Variants in TMTC4 observed in about 807,000 individuals in gnomAD.
TMTC4 encodes protein O-mannosyl-transferase TMTC4.
Under a neutral mutation model 86.0 loss-of-function variants are expected in TMTC4, and 65 were observed. The ratio of observed to expected loss-of-function variants is 0.76; its 90% confidence interval spans 0.62 to 0.93. The LOEUF (loss-of-function observed/expected upper bound fraction) is 0.93. Among genes scored for constraint, TMTC4 ranks in the 40% least tolerant of loss-of-function variants. The pLI is 0.00. For synonymous variants in TMTC4, 379 were observed against 382.5 expected, an observed-to-expected ratio of 0.99 and a Z score of 0.11; for missense variants, 866 against 948.1, an observed-to-expected ratio of 0.91 and a Z score of 1.14.
intron 12 of TMTC4, among the ~76,000 whole-genome samples, chr13:100,629,915 TAAG>T (rs1327027086): frequency 6.6e-6 from 1 of 151,984 alleles, no homozygotes; most frequent in Non-Finnish European, 1.5e-5. Context: ...GTCTGCAAGC[TAAG>T]GAGAGAGGCC....
At chr13:100,671,174 A>G (rs192403536) in intron 1 of TMTC4, among the ~76,000 whole-genome samples, 68 of 152,302 alleles carry the variant, frequency 4.5e-4, no homozygotes, top group Non-Finnish European at 5.9e-5. Flanking sequence ...CTCATGCAAT[A>G]TATTTTTGGA....
At chr13:100,631,971 T>G (rs1881426164) in intron 12 of TMTC4, among the ~76,000 whole-genome samples, 1 of 151,122 alleles carries the variant, frequency 6.6e-6, no homozygotes, top group Admixed American at 6.6e-5. Flanking sequence ...CTGGGTCCAT[T>G]TTGAAGATGA....
chr13:100,672,624 G>A (rs1019665329), intron 1 of TMTC4, among the ~76,000 whole-genome samples: 2 of 152,074 alleles, frequency 1.3e-5, no homozygotes, highest in Non-Finnish European at 2.9e-5. Flanking sequence ...CCAAGTAGCT[G>A]GGACTATAGG....
intron 15 of TMTC4, among the ~76,000 whole-genome samples, chr13:100,618,342 G>A (rs936150504): frequency 2.6e-5 from 4 of 151,550 alleles, no homozygotes; most frequent in African/African-American, 4.9e-5. Flanking sequence ...TTTCTTGCCC[G>A]ACTGCTCTGG....
At chr13:100,612,091 C>T (rs1021963044) in intron 17 of TMTC4, among the ~76,000 whole-genome samples, 74 of 152,338 alleles carry the variant, frequency 4.9e-4, no homozygotes, top group African/African-American at 1.8e-3. Context: ...CCTGCACCAG[C>T]CTGCCCGGCC....
intron 16 of TMTC4, 113 bp from the exon 17 acceptor site, chr13:100,612,623 CTACT>C (rs1877793446): frequency 3.2e-6 from 2 of 630,786 alleles, no homozygotes; most frequent in Non-Finnish European, 2.7e-6. Context: ...TATGAATAAA[CTACT>C]TAAGAAAATC....
intron 6 of TMTC4, among the ~76,000 whole-genome samples, chr13:100,645,702 C>A (rs1010502096): frequency 6.6e-6 from 1 of 152,230 alleles, no homozygotes; most frequent in Non-Finnish European, 1.5e-5. Context: ...AGCTGTAGTG[C>A]TCTAAACTGC....
At chr13:100,656,542 CTTTTTTTT>C in intron 5 of TMTC4, 74 bp from the exon 6 acceptor site, 1 of 384,138 alleles carries the variant, frequency 2.6e-6, no homozygotes, top group Admixed American at 6.9e-5. Flanking sequence ...GGAGACATAA[CTTTTTTTT>C]TTTTTTTTTT....
At chr13:100,670,959 A>G (rs1887021863) in intron 1 of TMTC4, among the ~76,000 whole-genome samples, 1 of 152,262 alleles carries the variant, frequency 6.6e-6, no homozygotes, top group Admixed American at 6.5e-5. Context: ...GTCTCAAACA[A>G]CAACAAAGCC....
intron 1 of TMTC4, chr13:100,674,492 G>GGGCAA: frequency 3.1e-6 from 2 of 645,384 alleles, no homozygotes; most frequent in Non-Finnish European, 3.7e-6. Flanking sequence ...GAGCGCGGCG[G>GGGCAA]GCGGGGCGCG....
intron 3 of TMTC4, among the ~76,000 whole-genome samples, chr13:100,666,387 G>A (rs907434369): frequency 2.6e-5 from 4 of 152,150 alleles, no homozygotes; most frequent in Non-Finnish European, 5.9e-5. Flanking sequence ...GTTAACAAAA[G>A]GGGCACAGTG....
chr13:100,627,231 G>A (rs890313499), intron 12 of TMTC4, among the ~76,000 whole-genome samples: 1 of 152,172 alleles, frequency 6.6e-6, no homozygotes, highest in East Asian at 1.9e-4. Context: ...GAGCAGCTGC[G>A]CTCGCAGGGA....
At position 100,606,428 on chromosome 13, in the gene TMTC4, C is replaced by T; in HGVS notation, c.2065-1G>A. On this transcript the variant is annotated splice_acceptor_variant, in intron 17 of 18. Coordinates refer to ENST00000342624, the MANE Select transcript of TMTC4 (RefSeq NM_032813.5). LOFTEE classifies it high-confidence loss of function. Reference sequence around the variant, plus strand: ...CCTTGAGGAATAAAGCTTCAGATTCCTAAAAAATGAGAAACATAAAAAGGA... The same window carrying T: ...CCTTGAGGAATAAAGCTTCAGATTCTTAAAAAATGAGAAACATAAAAAGGA... 6.2e-7 allele frequency: 1 copy of T among 1,609,684 alleles called. No homozygotes were observed. Among genetic ancestry groups the T allele is most frequent in the Non-Finnish European group, 8.5e-7 (1 of 1,177,980 alleles).
intron 4 of TMTC4, 62 bp downstream of exon 4, chr13:100,664,159 G>A: frequency 1.4e-6 from 2 of 1,406,676 alleles, no homozygotes; most frequent in South Asian, 1.4e-5. Context: ...ACACACACCT[G>A]TATCCAATGT....
chr13:100,613,028 C>T (rs2153023513), intron 16 of TMTC4, among the ~76,000 whole-genome samples: 2 of 152,304 alleles, frequency 1.3e-5, no homozygotes, highest in Middle Eastern at 6.8e-3. Flanking sequence ...TTGATACATG[C>T]ATACAATGTG....
In TMTC4 at chr13:100,609,106, T is replaced by C. The variant is rs560127488; in HGVS notation, c.2065-2679A>G. 5.9e-5 allele frequency among the ~76,000 whole-genome samples: 9 copies of C among 152,150 alleles called. No homozygotes were observed. In the South Asian group the frequency reaches 1.9e-3, roughly 32 times the overall value. On this transcript the variant is annotated intron_variant, in intron 17 of 18. Coordinates refer to ENST00000342624, the MANE Select transcript of TMTC4 (RefSeq NM_032813.5). ...CGTGACTCACACAGGAAGAGAGTTA[T>C]TCTCTATTCTCCCTCCTTCCTTCTG...
chr13:100,628,736 C>A (rs1880912871), intron 12 of TMTC4, among the ~76,000 whole-genome samples: 1 of 152,100 alleles, frequency 6.6e-6, no homozygotes. Flanking sequence ...ATCAGGGAAG[C>A]CAACGTCTGG....
In TMTC4 at chr13:100,662,827, T is replaced by G. The variant is rs1224357798; in HGVS notation, c.552+137A>C. The stretch of plus-strand genomic sequence containing the variant: ...TAGTGTCCTTTCTATTTCTAGAGTA[T>G]GTTGTGGAGTAGACTTTCTCCAGCT... On this transcript the variant is annotated intron_variant, in intron 5 of 18. Coordinates refer to ENST00000342624, the MANE Select transcript of TMTC4 (RefSeq NM_032813.5). 9.8e-6 allele frequency: 8 copies of G among 813,576 alleles called. No individual in the cohort carries two copies. In the East Asian group the frequency reaches 2.0e-4, roughly 20 times the overall value. 50.4% of individuals were successfully genotyped at this position (813,576 alleles called of 1,614,324 possible). A position where few individuals can be genotyped will look rare whatever the true frequency, so the allele number is the denominator to read the frequency against.
chr13:100,642,140 C>T, intron 7 of TMTC4, 71 bp downstream of exon 7: 2 of 1,527,600 alleles, frequency 1.3e-6, no homozygotes, highest in Non-Finnish European at 1.8e-6. Flanking sequence ...GCAGGGCCAG[C>T]CCCAGATGTC....
Sources: allele counts gnomAD v4.1 joint callset (sites outside exome capture counted in the v4.1 genomes callset), GRCh38; gene constraint gnomAD v4.1.1; transcripts MANE v1.5; gene names NCBI Gene and HGNC (gene_info 2026-07-23, HGNC 2026-07-21).